The following AHNAK2 variants were observed in gnomAD, a reference collection of about 807,000 sequenced individuals.
AHNAK2 encodes the protein protein AHNAK2.
A neutral mutation model predicts 30.7 loss-of-function variants in AHNAK2; 18 were observed. The ratio of observed to expected loss-of-function variants is 0.59; its 90% CI spans 0.41 to 0.87. AHNAK2 has a LOEUF of 0.87. Among genes scored for constraint, AHNAK2 ranks in the 40% least tolerant of loss-of-function variants. AHNAK2 has a pLI of 0.00. For synonymous variants in AHNAK2, 3,590 were observed against 3,073.8 expected, an observed-to-expected ratio of 1.17 and a Z score of -5.56; for missense variants, 8,604 against 7,373.0, an observed-to-expected ratio of 1.17 and a Z score of -6.11.
At position 104,944,591 on chromosome 14, in the gene AHNAK2, C is replaced by T. The variant is rs1304198131; in HGVS notation, c.10860G>A (p.Leu3620=). 1.3e-5 allele frequency: 21 copies of T among 1,613,216 alleles called. No individual in the cohort carries two copies. The highest frequency in any genetic ancestry group is 1.8e-5 in the Non-Finnish European group (21 of 1,179,660). ...APKAKLDAGR[L]EGDLSLADKD... Reference sequence around the variant, plus strand: ...TGTCAGCCAGGGACAGGTCTCCCTCCAGCCGCCCAGCATCCAGCTTGGCCT... The same window carrying T: ...TGTCAGCCAGGGACAGGTCTCCCTCTAGCCGCCCAGCATCCAGCTTGGCCT... The change falls in exon 7 of 7, where the codon CTG becomes CTA. Residue 3620 remains leucine, a synonymous_variant. Coordinates refer to ENST00000333244, the MANE Select transcript of AHNAK2 (RefSeq NM_138420.4).
rs1898518207 is a variant in AHNAK2 at position 104,949,383 on chromosome 14, C to A, written c.6068G>T (p.Ser2023Ile). ...VPAPKVEADV[S>I]LPSMQGDLKT... is the part of the protein sequence containing the mutation. ...CAGGTCCCCCTGCATGGAGGGGAGA[C>A]TCACGTCGGCCTCCACCTTGGGTGC... Residue 2023 changes from serine (S) to isoleucine (I), a missense_variant, in exon 7 of 7, where the codon AGT (serine) becomes ATT (isoleucine). Physicochemically the swap from Ser to Ile is moderately radical, Grantham distance 142 (BLOSUM62 -2). Coordinates refer to ENST00000333244, the MANE Select transcript of AHNAK2 (RefSeq NM_138420.4). 1.3e-6 allele frequency: 2 copies of A among 1,581,128 alleles called. No individual in the cohort carries two copies. Among genetic ancestry groups the A allele is most frequent in the Admixed American group, 1.8e-5 (1 of 56,694 alleles).
chr14:104,953,537 G>A lies in AHNAK2; in HGVS notation c.1914C>T (p.Asp638=), dbSNP rs764319286. The A allele has an allele frequency of 1.6e-5, 26 of 1,613,906 alleles. No homozygotes were observed. In the Admixed American group the frequency reaches 4.3e-4, roughly 27 times the overall value. The part of the protein sequence containing the change: ...RTEEGLKDKE[D]SDSMTNTTKI... ...TTGTTGTGTTTGTCATTGAGTCACT[G>A]TCTTCTTTGTCTTTTAATCCTTCCT... The change falls in exon 7 of 7, where the codon GAC becomes GAT. Residue 638 remains aspartate (D), a synonymous_variant. Coordinates refer to ENST00000333244, the MANE Select transcript of AHNAK2 (RefSeq NM_138420.4).
Position 104,946,297 on chromosome 14 carries a change from G to A in AHNAK2, c.9154C>T (p.Pro3052Ser), listed in dbSNP as rs375150333. The A allele has an allele frequency of 1.9e-6, 3 of 1,612,010 alleles. No homozygotes were observed. The highest frequency in any genetic ancestry group is 3.3e-5 in the Admixed American group (2 of 59,876). ...TGCCCTTTGAGGCCAGCTCCCTCGG[G>A]AACGTGGCCCTCTGGGAGCTTCAGG... ...VDLKLPEGHV[P>S]EGAGLKGHLP... The change falls in exon 7 of 7, where the codon CCC becomes TCC. Residue 3052 changes from proline to serine, a missense_variant. By Grantham distance (74) the Pro-to-Ser change is moderately conservative (BLOSUM62 -1). Transcript: ENST00000333244.
At chr14:104,974,528 G>A (rs929924865) in intron 1 of AHNAK2, among the ~76,000 whole-genome samples, 1 of 152,222 alleles carries the variant, frequency 6.6e-6, no homozygotes, top group Admixed American at 6.5e-5. Context: ...ACCAGTCCCG[G>A]TCTCCATTGG....
rs1377065541 is a variant in AHNAK2, at chr14:104,972,537, G to A, written c.55+5646C>T. On this transcript the variant is annotated intron_variant, in intron 1 of 6. Transcript: ENST00000333244. Reference sequence around the variant, plus strand: ...TTGCTGGGGCCCCCACCCCAGCTACGCCCACCTCACAGCAGCCAGAGGGAG... The same window carrying A: ...TTGCTGGGGCCCCCACCCCAGCTACACCCACCTCACAGCAGCCAGAGGGAG... 5.3e-5 allele frequency among the ~76,000 whole-genome samples: 8 copies of A among 152,166 alleles called. No homozygotes were observed. In the South Asian group the frequency reaches 1.0e-3, roughly 20 times the overall value.
chr14:104,968,848 G>A (rs932473446), intron 1 of AHNAK2, among the ~76,000 whole-genome samples: 3 of 152,330 alleles, frequency 2.0e-5, no homozygotes, highest in African/African-American at 7.2e-5. Flanking sequence ...TGTGTGTCTG[G>A]CCTGGGCTCC....
chr14:104,974,938 C>T (rs1321665295), intron 1 of AHNAK2, among the ~76,000 whole-genome samples: 1 of 152,236 alleles, frequency 6.6e-6, no homozygotes, highest in East Asian at 1.9e-4. Flanking sequence ...CAAGCCAGCC[C>T]CTAGCTGAGC....
rs372998948 is a variant in AHNAK2, at chr14:104,938,928, G to T, written c.16523C>A (p.Thr5508Lys). The T allele has an allele frequency of 1.2e-6, 2 of 1,613,512 alleles. No homozygotes were observed. Among genetic ancestry groups the T allele is most frequent in the Non-Finnish European group, 1.7e-6 (2 of 1,179,820 alleles). ...TQIVRESEIPTSEIQTPSYGF... is the reference protein window; with the variant it reads ...TQIVRESEIPKSEIQTPSYGF... ...GTACGAAGGTGTTTGAATCTCTGAC[G>T]TGGGGATCTCTGATTCCCGCACAAT... The change falls in exon 7 of 7, where the codon ACG becomes AAG. Residue 5508 changes from threonine to lysine, a missense_variant. Coordinates refer to ENST00000333244, the MANE Select transcript of AHNAK2 (RefSeq NM_138420.4).
In AHNAK2 at chr14:104,944,241, T is replaced by C. The variant is rs375325879; in HGVS notation, c.11210A>G (p.Lys3737Arg). ...GCCCTTGATGTCCACCTGGGGGCCC[T>C]TGAGGTCCACTTTGGGCATCTTCAA... ...PSLKMPKVDL[K>R]GPQVDIKGPK... The change falls in exon 7 of 7, where the codon AAG becomes AGG. Residue 3737 changes from lysine (K) to arginine (R), a missense_variant. Coordinates refer to ENST00000333244, the MANE Select transcript of AHNAK2 (RefSeq NM_138420.4). The C allele has an allele frequency of 6.2e-7, 1 of 1,612,878 alleles. No homozygotes were observed. The highest frequency in any genetic ancestry group is 8.5e-7 in the Non-Finnish European group (1 of 1,179,566).
chr14:104,944,152 G>A lies in AHNAK2; in HGVS notation c.11299C>T (p.Pro3767Ser). The A allele has an allele frequency of 6.2e-7, 1 of 1,613,358 alleles. No individual in the cohort carries two copies. The highest frequency in any genetic ancestry group is 8.5e-7 in the Non-Finnish European group (1 of 1,179,724). The change falls in exon 7 of 7, where the codon CCC becomes TCC. Residue 3767 changes from proline to serine, a missense_variant. Transcript: ENST00000333244. ...GCCTGGACGTCCACCTCCACGCTGG[G>A]CAGAGACACCTCCACATCAGGGGCT... ...VTAPDVEVSLPSVEVDVQAPR... is the reference protein window; with the variant it reads ...VTAPDVEVSLSSVEVDVQAPR...
chr14:104,977,941 GAC>G (rs1899637443), intron 1 of AHNAK2, among the ~76,000 whole-genome samples: 1 of 152,292 alleles, frequency 6.6e-6, no homozygotes, highest in Middle Eastern at 3.4e-3. Flanking sequence ...GAGCGACAGA[GAC>G]AGTCTCAGAG....
rs143814844 is a variant in AHNAK2, at chr14:104,944,754, G to A, written c.10697C>T (p.Thr3566Met). The A allele has an allele frequency of 0.012, 19,421 of 1,606,792 alleles. 1,874 individuals carry two copies. The African/African-American group carries it at 0.23, about 19-fold the overall frequency. Residue 3566 changes from threonine (T) to methionine (M), a missense_variant, in exon 7 of 7, where the codon ACG becomes ATG. Coordinates refer to ENST00000333244, the MANE Select transcript of AHNAK2 (RefSeq NM_138420.4). ...LPKVEMPSLK[T>M]PKVDLKGPQI... ...GGGGCCCTTGAGGTCCACTTTGGGC[G>A]TCTTTAAACTGGGCATCTCCACTTT...
At position 104,939,449 on chromosome 14, in the gene AHNAK2, T is replaced by C. The variant is rs778359058; in HGVS notation, c.16002A>G (p.Gly5334=). The C allele has an allele frequency of 6.2e-7, 1 of 1,613,344 alleles. No homozygotes were observed. The part of the protein sequence containing the change: ...EIDETPLSKP[G]HDLASMEDKT... ...TATCCTCCATGCTGGCAAGGTCATG[T>C]CCTGGCTTGGAAAGAGGAGTCTCAT... is the stretch of plus-strand genomic sequence containing the variant. The change falls in exon 7 of 7, where the codon GGA becomes GGG. Residue 5334 remains glycine, a synonymous_variant. Coordinates refer to ENST00000333244, the MANE Select transcript of AHNAK2 (RefSeq NM_138420.4).
chr14:104,940,871 T>C lies in AHNAK2; in HGVS notation c.14580A>G (p.Val4860=), dbSNP rs11851053. The C allele has an allele frequency of 0.54, 874,308 of 1,612,138 alleles. 239,854 individuals carry two copies. Among genetic ancestry groups the C allele is most frequent in the Middle Eastern group, 0.67 (4,073 of 6,062 alleles). ...TTGGTTTATAGAATTTAGGAAAAGA[T>C]ACCTGACCAAGAGAAACAGGAATCA... ...NSMIPVSLGQ[V]SFPKFYKPKF... is the part of the protein sequence containing the mutation. The change falls in exon 7 of 7, where the codon GTA becomes GTG. Residue 4860 remains valine, a synonymous_variant. Coordinates refer to ENST00000333244, the MANE Select transcript of AHNAK2 (RefSeq NM_138420.4). The surrounding 1 kb of genome is among the most constrained non-coding windows in gnomAD (Gnocchi z 4.4).
chr14:104,964,214 C>T (rs911152589), intron 1 of AHNAK2, among the ~76,000 whole-genome samples: 2 of 152,196 alleles, frequency 1.3e-5, no homozygotes, highest in African/African-American at 4.8e-5. Flanking sequence ...AGAGGATATT[C>T]AACCAGCCGA....
Position 104,946,955 on chromosome 14 carries a change from G to A in AHNAK2, c.8496C>T (p.Ile2832=), listed in dbSNP as rs368673190. The change falls in exon 7 of 7, where the codon ATC becomes ATT. Residue 2832 remains isoleucine, a synonymous_variant. Transcript: ENST00000333244. ...GCTCAGACACATCCACCGAGGCCTCGATGGACTTGCCTGGGGCCGACACCC... is the reference window on the plus strand; with the variant it reads ...GCTCAGACACATCCACCGAGGCCTCAATGGACTTGCCTGGGGCCGACACCC... ...SFGVSAPGKS[I]EASVDVSELK... The A allele has an allele frequency of 3.7e-4, 591 of 1,611,162 alleles. 6 individuals are homozygous for A. In the Middle Eastern group the frequency reaches 6.3e-3, roughly 17 times the overall value.
At position 104,938,947 on chromosome 14, in the gene AHNAK2, G is replaced by A. The variant is rs377580543; in HGVS notation, c.16504C>T (p.Arg5502Trp). Residue 5502 changes from arginine (R) to tryptophan (W), a missense_variant, in exon 7 of 7, where the codon CGG (arginine) becomes TGG (tryptophan). Arg to Trp is a moderately radical substitution (Grantham distance 101, BLOSUM62 -3). Coordinates refer to ENST00000333244, the MANE Select transcript of AHNAK2 (RefSeq NM_138420.4). The part of the protein sequence containing the change: ...VPRTFSTQIV[R>W]ESEIPTSEIQ... ...TCTGACGTGGGGATCTCTGATTCCC[G>A]CACAATCTGAGTGGAAAAAGTCCTG... 120 of 1,612,874 alleles carry A rather than the reference G, an allele frequency of 7.4e-5. No individual in the cohort carries two copies. Among genetic ancestry groups the A allele is most frequent in the Non-Finnish European group, 9.4e-5 (111 of 1,179,672 alleles).
At chr14:104,965,492 C>T (rs1342944709) in intron 1 of AHNAK2, among the ~76,000 whole-genome samples, 1 of 151,932 alleles carries the variant, frequency 6.6e-6, no homozygotes, top group Admixed American at 6.6e-5. Flanking sequence ...CCAGTCTCAA[C>T]CCCACTCTGA....
At position 104,957,676 on chromosome 14, in the gene AHNAK2, CAG is replaced by C. The variant is rs1242234355; in HGVS notation, c.56-6_56-5del. On this transcript the variant is annotated splice_polypyrimidine_tract_variant and splice_region_variant and intron_variant, in intron 1 of 6. Coordinates refer to ENST00000333244, the MANE Select transcript of AHNAK2 (RefSeq NM_138420.4). The stretch of plus-strand genomic sequence containing the variant: ...GGCTGCAGCTGACGGCCGGACACTG[CAG>C]AGAGAGTGGCTGTCAGTGGAGACAA... The C allele has an allele frequency of 6.2e-7, 1 of 1,609,224 alleles. No homozygotes were observed. The highest frequency in any genetic ancestry group is 1.1e-5 in the South Asian group (1 of 90,206).
Sources: gnomAD v4.1 joint callset for allele counts (sites outside exome capture counted in the v4.1 genomes callset) on GRCh38, gnomAD v4.1.1 for gene constraint, Gnocchi (gnomAD v3.1) non-coding constraint, MANE v1.5 for transcripts, NCBI Gene and HGNC (gene_info 2026-07-23, HGNC 2026-07-21) for gene names.